The following ZNF365 variants were observed in gnomAD, a reference collection of about 807,000 sequenced individuals.
ZNF365 encodes zinc finger protein 365.
Under a neutral mutation model 35.0 loss-of-function variants are expected in ZNF365, and 22 were observed. The observed-to-expected ratio is 0.63, with a 90% CI of 0.45 to 0.90. The LOEUF (loss-of-function observed/expected upper bound fraction) is 0.90. Among genes scored for constraint, ZNF365 ranks in the 40% least tolerant of loss-of-function variants. The probability of loss-of-function intolerance (pLI) is 0.00; values close to 1 mark genes in which losing one functional copy is unlikely to be tolerated. For synonymous variants in ZNF365, 188 were observed against 196.2 expected (o/e 0.96, Z 0.35); for missense variants, 448 against 500.3 (o/e 0.90, Z 1.00).
At position 62,376,738 on chromosome 10, in the gene ZNF365, A is replaced by T; in HGVS notation, c.545A>T (p.Lys182Ile). 6.2e-7 allele frequency: 1 copy of T among 1,614,186 alleles called. No homozygotes were observed. The highest frequency in any genetic ancestry group is 1.3e-5 in the African/African-American group (1 of 75,046). ...AGGACCATTGAGAAGAGAATTGATA[A>T]ACTCACCAAAGAGTTGGCCCAGAAA... Reference protein sequence around the residue: ...VDRTIEKRIDKLTKELAQKTA... With the variant: ...VDRTIEKRIDILTKELAQKTA... Residue 182 changes from lysine (K) to isoleucine (I), a missense_variant, in exon 2 of 5, where the codon AAA (lysine) becomes ATA (isoleucine). This residue lies in a region of ZNF365 where 362 missense variants were observed against 375.7 expected (regional missense o/e 0.96). Coordinates refer to ENST00000395254, the MANE Select transcript of ZNF365 (RefSeq NM_014951.3).
In ZNF365 at chr10:62,440,464, T is replaced by C. The variant is rs1052388566; in HGVS notation, c.925-19277T>C. On this transcript the variant is annotated intron_variant, in intron 3 of 4. Coordinates refer to the ZNF365 transcript ENST00000395255. ...TCCTTCTTTGCATAAAAATTTACTT[T>C]TAGAGGGCAGAGGTTTTTCTTCTAT... Among the ~76,000 whole-genome samples, 38 of 152,170 alleles carry C rather than the reference T, an allele frequency of 2.5e-4. 1 individual carries two copies. Among genetic ancestry groups the C allele is most frequent in the Non-Finnish European group, 2.9e-5 (2 of 68,022 alleles).
At chr10:62,419,572 C>A (rs1298865831) in intron 3 of ZNF365, among the ~76,000 whole-genome samples, 1 of 151,392 alleles carries the variant, frequency 6.6e-6, no homozygotes, top group Non-Finnish European at 1.5e-5. Context: ...AGAGGTAACA[C>A]TGATTAATGA....
intron 3 of ZNF365, among the ~76,000 whole-genome samples, chr10:62,423,046 G>A (rs1453480967): frequency 1.3e-5 from 2 of 152,164 alleles, no homozygotes; most frequent in African/African-American, 4.8e-5. Context: ...CAGCTAGGGG[G>A]AGACTTACTA....
At chr10:62,470,315 T>C (rs1175333979) in intron 4 of ZNF365, among the ~76,000 whole-genome samples, 1 of 152,210 alleles carries the variant, frequency 6.6e-6, no homozygotes, top group African/African-American at 2.4e-5. Context: ...TTGTCCCCAT[T>C]GAGGGCGAGG....
intron 3 of ZNF365, among the ~76,000 whole-genome samples, chr10:62,426,423 G>A (rs533983846): frequency 3.2e-4 from 48 of 152,214 alleles, no homozygotes; most frequent in African/African-American, 1.1e-3. Flanking sequence ...GATATGCACA[G>A]CCCAGTTCCA....
Position 62,388,565 on chromosome 10 carries a change from A to G in ZNF365, c.913A>G (p.Ser305Gly). The part of the protein sequence containing the change: ...QQASGFVRDL[S>G]GHVLTDISSN... ...GGCCTCTGGCTTTGTCCGTGATCTC[A>G]GCGGGCACGTGGTGAGTCACCCCGG... Residue 305 changes from serine to glycine, a missense_variant, in exon 3 of 5, where the codon AGC (serine) becomes GGC (glycine). Coordinates refer to ENST00000395254, the MANE Select transcript of ZNF365 (RefSeq NM_014951.3). 1.2e-6 allele frequency: 2 copies of G among 1,613,890 alleles called. No homozygotes were observed. Among genetic ancestry groups the G allele is most frequent in the African/African-American group, 1.3e-5 (1 of 75,026 alleles).
intron 3 of ZNF365, among the ~76,000 whole-genome samples, chr10:62,411,703 G>T (rs1188202720): frequency 6.6e-6 from 1 of 151,940 alleles, no homozygotes; most frequent in Non-Finnish European, 1.5e-5. Context: ...GTTTGAAGTT[G>T]GGTAGCATGG....
At position 62,400,511 on chromosome 10, in the gene ZNF365, TGCCA is replaced by T. The variant is rs1388207639; in HGVS notation, c.*726_*729del. ...AGTATTCTGCACCCACAGACCATGC[TGCCA>T]GCCTCTATCTTAATAGCTGCTTCTG... On this transcript the variant is annotated 3_prime_UTR_variant, in exon 5 of 5. Coordinates refer to ENST00000395254, the MANE Select transcript of ZNF365 (RefSeq NM_014951.3). 7.1e-6 allele frequency: 7 copies of T among 985,894 alleles called. No individual in the cohort carries two copies. Among genetic ancestry groups the T allele is most frequent in the Non-Finnish European group, 7.2e-6 (6 of 829,964 alleles). The allele number at this position is 985,894 out of a possible 1,614,324, so 61.1% of individuals were successfully genotyped here. A position where few individuals can be genotyped will look rare whatever the true frequency, so the allele number is the denominator to read the frequency against.
In ZNF365 at chr10:62,400,445, T is replaced by A. The variant is rs1839807896; in HGVS notation, c.*656T>A. 2.0e-6 allele frequency: 2 copies of A among 986,112 alleles called. No individual in the cohort carries two copies. The highest frequency in any genetic ancestry group is 6.1e-5 in the Admixed American group (1 of 16,294). The allele number at this position is 986,112 out of a possible 1,614,324, so 61.1% of individuals were successfully genotyped here. A position where few individuals can be genotyped will look rare whatever the true frequency, so the allele number is the denominator to read the frequency against. On this transcript the variant is annotated 3_prime_UTR_variant, in exon 5 of 5. Coordinates refer to ENST00000395254, the MANE Select transcript of ZNF365 (RefSeq NM_014951.3). ...GTTTTTTGGTGGCCTAGATGCATGT[T>A]TATTCAGATTTTGGTACACCTCTGC...
chr10:62,437,509 G>T (rs1457431379), intron 3 of ZNF365, among the ~76,000 whole-genome samples: 1 of 152,176 alleles, frequency 6.6e-6, no homozygotes, highest in Non-Finnish European at 1.5e-5. Flanking sequence ...GATTTCATAA[G>T]GAATTGTAAT....
Position 62,374,434 on chromosome 10 carries a change from T to TGCA in ZNF365, c.-25_-23dup, listed in dbSNP as rs3830349. On this transcript the variant is annotated 5_prime_UTR_variant, in exon 1 of 5. Transcript: ENST00000395254. ...CAGCATCAGCACCGGAGGCGGCGGC[T>TGCA]GCAGCAGCAGCAGCAACAAGTCGGG... The TGCA allele has an allele frequency of 1.3e-5, 2 of 151,970 alleles. No individual in the cohort carries two copies. Among genetic ancestry groups the TGCA allele is most frequent in the Non-Finnish European group, 2.9e-5 (2 of 68,094 alleles). 9.4% of individuals were successfully genotyped at this position (151,970 alleles called of 1,614,324 possible).
intron 3 of ZNF365, among the ~76,000 whole-genome samples, chr10:62,414,351 C>T (rs1840039562): frequency 6.8e-6 from 1 of 147,198 alleles, no homozygotes; most frequent in African/African-American, 2.5e-5. Context: ...AGTCATACCA[C>T]CATATCTGAC....
chr10:62,437,132 C>T (rs1564589055), intron 3 of ZNF365, among the ~76,000 whole-genome samples: 1 of 152,162 alleles, frequency 6.6e-6, no homozygotes, highest in Non-Finnish European at 1.5e-5. Flanking sequence ...TTAAAGTCTT[C>T]CACAATCTAT....
At chr10:62,386,184 T>G (rs1311804303) in intron 2 of ZNF365, among the ~76,000 whole-genome samples, 3 of 152,344 alleles carry the variant, frequency 2.0e-5, no homozygotes, top group Non-Finnish European at 4.4e-5. Flanking sequence ...ACTCGTTTGC[T>G]GCTAGTTAAA....
At chr10:62,443,486 G>A (rs1309922673) in intron 3 of ZNF365, among the ~76,000 whole-genome samples, 2 of 152,092 alleles carry the variant, frequency 1.3e-5, no homozygotes, top group Non-Finnish European at 2.9e-5. Context: ...TCCCTGGTTC[G>A]GAGCAGTTAC....
intron 4 of ZNF365, among the ~76,000 whole-genome samples, chr10:62,479,051 A>G (rs1033272626): frequency 6.6e-6 from 1 of 152,206 alleles, no homozygotes; most frequent in East Asian, 1.9e-4. Flanking sequence ...CCTTGCATCT[A>G]TCAGACTTTC....
intron 3 of ZNF365, among the ~76,000 whole-genome samples, chr10:62,456,773 T>C (rs912286800): frequency 2.0e-5 from 3 of 152,226 alleles, no homozygotes; most frequent in Admixed American, 6.5e-5. Flanking sequence ...TAAGCATCTG[T>C]CTTTCTTGTA....
chr10:62,444,307 C>T (rs1840548550), intron 3 of ZNF365, among the ~76,000 whole-genome samples: 1 of 152,136 alleles, frequency 6.6e-6, no homozygotes, highest in South Asian at 2.1e-4. Context: ...CATTGAGAGG[C>T]CCCGGTAGGA....
intron 4 of ZNF365, among the ~76,000 whole-genome samples, chr10:62,474,094 A>G (rs1316860575): frequency 6.6e-6 from 1 of 152,230 alleles, no homozygotes; most frequent in Non-Finnish European, 1.5e-5. Context: ...TGAAAGAACA[A>G]GTAGAGTGTT....
Sources: gnomAD v4.1 joint callset for allele counts (sites outside exome capture counted in the v4.1 genomes callset) on GRCh38, gnomAD v4.1.1 for gene constraint, gnomAD v4.1.1 regional missense constraint, MANE v1.5 for transcripts, NCBI Gene and HGNC (gene_info 2026-07-23, HGNC 2026-07-21) for gene names.